Variants in SLC35D4 observed in about 807,000 individuals in gnomAD.
The protein encoded by SLC35D4 is UDP-N-acetylglucosamine transporter SLC35D4.
At chr18:23,252,010 C>T in the SLC35D4 span, among the ~76,000 whole-genome samples, 6 of 148,944 alleles carry the variant, frequency 4.0e-5, no homozygotes, top group South Asian at 2.3e-4. Flanking sequence ...CGCTTGAACC[C>T]GGGAGGCGGA....
the SLC35D4 span, chr18:23,376,821 C>T: frequency 2.2e-6 from 1 of 456,706 alleles, no homozygotes; most frequent in Non-Finnish European, 4.4e-6. Context: ...TGGCCTCAAG[C>T]AGTACCTGAT....
chr18:23,258,321 C>T, the SLC35D4 span: 2 of 152,768 alleles, frequency 1.3e-5, no homozygotes, highest in African/African-American at 2.4e-5. Context: ...CTATCTATAT[C>T]GCTATATAAA....
At chr18:23,277,479 T>A in the SLC35D4 span, among the ~76,000 whole-genome samples, 18 of 152,208 alleles carry the variant, frequency 1.2e-4, no homozygotes, top group Non-Finnish European at 2.6e-4. Flanking sequence ...TATGTCTTTA[T>A]CAGCAGCATG....
At chr18:23,302,844 C>G in the SLC35D4 span, among the ~76,000 whole-genome samples, 2 of 152,242 alleles carry the variant, frequency 1.3e-5, no homozygotes, top group Non-Finnish European at 2.9e-5. Flanking sequence ...TTCATTCCAG[C>G]AACTGCTGCT....
chr18:23,285,222 T>C, the SLC35D4 span, among the ~76,000 whole-genome samples: 1 of 152,108 alleles, frequency 6.6e-6, no homozygotes, highest in South Asian at 2.1e-4. Context: ...CCTGCTTTTC[T>C]GGAGGGTAAG....
the SLC35D4 span, among the ~76,000 whole-genome samples, chr18:23,393,324 T>C: frequency 6.6e-6 from 1 of 152,238 alleles, no homozygotes; most frequent in Non-Finnish European, 1.5e-5. Context: ...ATTCACACCA[T>C]TGTACAACCA....
the SLC35D4 span, among the ~76,000 whole-genome samples, chr18:23,273,387 C>T: frequency 6.6e-6 from 1 of 152,156 alleles, no homozygotes; most frequent in East Asian, 1.9e-4. Context: ...CACCTGACAG[C>T]TTTCAGTCTC....
the SLC35D4 span, chr18:23,309,561 T>G: frequency 1.2e-6 from 1 of 808,664 alleles, no homozygotes; most frequent in Non-Finnish European, 2.1e-6. Flanking sequence ...GATTTGCATT[T>G]GGATGGAGAT....
the SLC35D4 span, among the ~76,000 whole-genome samples, chr18:23,428,462 A>G: frequency 6.6e-6 from 1 of 152,184 alleles, no homozygotes; most frequent in African/African-American, 2.4e-5. Flanking sequence ...TTGGAAAAGA[A>G]TATGTTAATA....
chr18:23,267,098 G>A, the SLC35D4 span, among the ~76,000 whole-genome samples: 1 of 152,214 alleles, frequency 6.6e-6, no homozygotes, highest in South Asian at 2.1e-4. Context: ...TTGCCCTGCC[G>A]CCCCACAGTG....
chr18:23,310,106 T>C, the SLC35D4 span: 3 of 573,378 alleles, frequency 5.2e-6, no homozygotes, highest in Admixed American at 6.3e-5. Context: ...GTCTCAGCAG[T>C]GCAGAACTCG....
the SLC35D4 span, among the ~76,000 whole-genome samples, chr18:23,298,281 C>T: frequency 1.3e-5 from 2 of 152,178 alleles, no homozygotes; most frequent in African/African-American, 2.4e-5. Flanking sequence ...GGCAGGGAGG[C>T]GGGCTCGATA....
the SLC35D4 span, among the ~76,000 whole-genome samples, chr18:23,382,239 CA>C: frequency 0.011 from 868 of 75,668 alleles, 2 homozygotes; most frequent in Non-Finnish European, 0.015. Flanking sequence ...GACTCAGTCT[CA>C]AAAAAAAAAA....
the SLC35D4 span, among the ~76,000 whole-genome samples, chr18:23,285,240 G>A: frequency 1.3e-5 from 2 of 151,624 alleles, no homozygotes; most frequent in Non-Finnish European, 2.9e-5. Context: ...AAGAACCCCT[G>A]AACCCCTTCC....
At chr18:23,245,988 C>A in the SLC35D4 span, among the ~76,000 whole-genome samples, 5,599 of 152,318 alleles carry the variant, frequency 0.037, 143 homozygotes, top group Non-Finnish European at 0.054. Context: ...GTGGTCCCGG[C>A]CGGGCACGGT....
the SLC35D4 span, chr18:23,437,897 AT>A: frequency 2.5e-6 from 4 of 1,582,316 alleles, no homozygotes; most frequent in Non-Finnish European, 3.4e-6. Context: ...GCCTGCCCAA[AT>A]CCCCTGGCCG....
chr18:23,409,960 G>T, the SLC35D4 span, among the ~76,000 whole-genome samples: 1 of 151,558 alleles, frequency 6.6e-6, no homozygotes, highest in African/African-American at 2.4e-5. Flanking sequence ...TAGCATTTAC[G>T]TTGTAATCTA....
chr18:23,298,215 C>A, the SLC35D4 span: 1 of 877,996 alleles, frequency 1.1e-6, no homozygotes, highest in South Asian at 1.5e-5. Flanking sequence ...CAGGTCAAGC[C>A]CAGGAATCGC....
At chr18:23,267,734 C>T in the SLC35D4 span, among the ~76,000 whole-genome samples, 2 of 152,278 alleles carry the variant, frequency 1.3e-5, no homozygotes, top group East Asian at 1.9e-4. Context: ...CTTAGCGCTC[C>T]CTTAGGTCCT....
Sources: allele counts gnomAD v4.1 joint callset (sites outside exome capture counted in the v4.1 genomes callset), GRCh38; gene constraint gnomAD v4.1.1; transcripts MANE v1.5; gene names NCBI Gene and HGNC (gene_info 2026-07-23, HGNC 2026-07-21).